DGKZ: variants seen among roughly 807,000 people sequenced by gnomAD.
The protein encoded by DGKZ is DAG kinase zeta.
A neutral mutation model predicts 142.5 loss-of-function variants in DGKZ; 45 were observed. That is an observed-to-expected ratio of 0.32 (90% confidence interval 0.25 to 0.40). The LOEUF (loss-of-function observed/expected upper bound fraction) is 0.40. Ranked by LOEUF, DGKZ falls within the 10% of genes least tolerant of loss-of-function variation. DGKZ has a pLI of 1.00. For synonymous variants in DGKZ, 442 were observed against 527.0 expected, an observed-to-expected ratio of 0.84 and a Z score of 2.21; for missense variants, 755 against 1,306.5, an observed-to-expected ratio of 0.58 and a Z score of 6.51.
chr11:46,337,444 C>G (rs191152789), intron 1 of DGKZ, among the ~76,000 whole-genome samples: 39 of 151,856 alleles, frequency 2.6e-4, no homozygotes, highest in African/African-American at 3.4e-4. Flanking sequence ...TACAGGCGCC[C>G]ACCACCACGC....
At chr11:46,371,945 G>T in intron 9 of DGKZ, 130 bp from the exon 10 acceptor site, 1 of 1,233,276 alleles carries the variant, frequency 8.1e-7, no homozygotes, top group African/African-American at 1.5e-5. Flanking sequence ...CTGTGGCCTG[G>T]TAAGATCTGG....
upstream of DGKZ, chr11:46,345,210 T>C: frequency 1.6e-6 from 2 of 1,289,104 alleles, no homozygotes; most frequent in Non-Finnish European, 2.0e-6. This position sits in a 1 kb window ranked among gnomAD's most constrained non-coding sequence, Gnocchi z 4.1. Flanking sequence ...GCCTCCTGGC[T>C]GCTGGTCTGG....
Position 46,366,224 on chromosome 11 carries a change from C to T in DGKZ, c.162-1067C>T, listed in dbSNP as rs763069425. 3 of 1,538,388 alleles carry T rather than the reference C, an allele frequency of 2.0e-6. No individual in the cohort carries two copies. The Admixed American group carries it at 5.9e-5, about 30-fold the overall frequency. ...TGGCCTGATCCAGCTCCTGATGCTC[C>T]CGGTCTCTGTGCCCAACAGCCAACC... On this transcript the variant is annotated intron_variant, in intron 1 of 30. Transcript: ENST00000527911.
Position 46,366,882 on chromosome 11 carries a change from C to A in DGKZ, c.162-409C>A. ...GGCCGAAGAGCCTCAGGCACCACCG[C>A]CGGCACCATGCTGCCCACCCGTGTG... On this transcript the variant is annotated intron_variant, in intron 1 of 30. Transcript: ENST00000527911. 1 of 1,549,056 alleles carries A rather than the reference C, an allele frequency of 6.5e-7. No individual in the cohort carries two copies. The highest frequency in any genetic ancestry group is 8.7e-7 in the Non-Finnish European group (1 of 1,153,836).
chr11:46,369,853 GC>G (rs1311399599), intron 5 of DGKZ, 87 bp from the exon 6 acceptor site: 71 of 1,427,258 alleles, frequency 5.0e-5, no homozygotes, highest in Non-Finnish European at 6.9e-5. Flanking sequence ...GCTTCCTGCA[GC>G]CCCGTGTGTT....
intron 14 of DGKZ, among the ~76,000 whole-genome samples, chr11:46,373,374 C>A (rs1464231851): frequency 2.0e-5 from 3 of 150,610 alleles, no homozygotes; most frequent in Non-Finnish European, 1.5e-5. Flanking sequence ...GCAACCTCCG[C>A]CTCCCAGGTT....
At chr11:46,364,419 T>G in intron 1 of DGKZ, 1 of 1,288,054 alleles carries the variant, frequency 7.8e-7, no homozygotes, top group Non-Finnish European at 1.0e-6. Context: ...GACCCAGCGC[T>G]CTCCACCCAT....
At chr11:46,362,156 GGCC>G (rs1326024583) in intron 1 of DGKZ, among the ~76,000 whole-genome samples, 1 of 152,176 alleles carries the variant, frequency 6.6e-6, no homozygotes, top group African/African-American at 2.4e-5. Context: ...GGCAGCTGCA[GGCC>G]CTTGCTCTGG....
At chr11:46,356,861 G>C (rs191143604) in intron 1 of DGKZ, among the ~76,000 whole-genome samples, 1 of 152,178 alleles carries the variant, frequency 6.6e-6, no homozygotes, top group Non-Finnish European at 1.5e-5. Context: ...AGGAGGATTC[G>C]TAGCTTAATA....
At position 46,374,725 on chromosome 11, in the gene DGKZ, C is replaced by T. The variant is rs1463376620; in HGVS notation, c.1525-41C>T. On this transcript the variant is annotated intron_variant, in intron 17 of 30. Transcript: ENST00000527911. ...CCGGAAGGGAGGGAGGCGGAGGCCA[C>T]CTGGCACATGCACCTCAACACCCTC... is the stretch of plus-strand genomic sequence containing the variant. 1.9e-6 allele frequency: 3 copies of T among 1,612,080 alleles called. No individual in the cohort carries two copies. The Admixed American group carries it at 5.0e-5, about 27-fold the overall frequency.
At chr11:46,361,836 C>T (rs1472426589) in intron 1 of DGKZ, 2 of 251,374 alleles carry the variant, frequency 8.0e-6, no homozygotes, top group African/African-American at 4.6e-5. Flanking sequence ...CCTGCCCTGC[C>T]AGGTTCCTGA....
chr11:46,377,544 A>C, intron 25 of DGKZ: 5 of 381,200 alleles, frequency 1.3e-5, no homozygotes, highest in Admixed American at 4.3e-5. Flanking sequence ...CAGCTCTTAT[A>C]TCCCTGTGGC....
chr11:46,365,648 C>CT (rs1224628529), intron 1 of DGKZ: 2 of 985,352 alleles, frequency 2.0e-6, no homozygotes, highest in Non-Finnish European at 2.4e-6. Context: ...GGCTGAGAGA[C>CT]TCTGGGGGTC....
intron 1 of DGKZ, chr11:46,365,651 TG>T (rs1943166770): frequency 1.0e-6 from 1 of 985,360 alleles, no homozygotes; most frequent in African/African-American, 1.7e-5. Flanking sequence ...TGAGAGACTC[TG>T]GGGGTCCTGT....
chr11:46,368,515 T>C, intron 4 of DGKZ: 1 of 341,360 alleles, frequency 2.9e-6, no homozygotes, highest in South Asian at 2.2e-5. Context: ...ACTGTGCTTC[T>C]AGAGGTGGAG....
chr11:46,371,253 A>C (rs1056972571), intron 6 of DGKZ, 60 bp from the exon 7 acceptor site: 10 of 1,522,432 alleles, frequency 6.6e-6, no homozygotes, highest in South Asian at 2.3e-5. Flanking sequence ...GCACCAGGAG[A>C]GGGGCTGGGT....
rs200564579 is a variant in DGKZ, at chr11:46,376,178, G to A, written c.2091+33G>A. On this transcript the variant is annotated intron_variant, in intron 22 of 30. Coordinates refer to ENST00000527911, the Ensembl canonical transcript of DGKZ. Reference sequence around the variant, plus strand: ...GTGGGGGCTTCCCCAGGTGCCCACCGAGAGGGTGGTGGGAAGTGAGGCCAG... The same window carrying A: ...GTGGGGGCTTCCCCAGGTGCCCACCAAGAGGGTGGTGGGAAGTGAGGCCAG... 746 of 1,609,332 alleles carry A rather than the reference G, an allele frequency of 4.6e-4. 3 individuals carry two copies. In the African/African-American group the frequency reaches 9.1e-3, roughly 20 times the overall value.
At chr11:46,370,093 C>G (rs1480946867) in intron 6 of DGKZ, 84 bp downstream of exon 6, 8 of 1,544,196 alleles carry the variant, frequency 5.2e-6, no homozygotes, top group Non-Finnish European at 6.3e-6. Context: ...CTGCCGATCA[C>G]TGACCACACC....
intron 1 of DGKZ, among the ~76,000 whole-genome samples, chr11:46,354,127 G>C (rs1000283590): frequency 2.6e-5 from 4 of 152,220 alleles, no homozygotes; most frequent in Non-Finnish European, 5.9e-5. Flanking sequence ...GAAAGGGTGA[G>C]GGACAGGCTG....
Sources: allele counts gnomAD v4.1 joint callset (sites outside exome capture counted in the v4.1 genomes callset), GRCh38; gene constraint gnomAD v4.1.1; non-coding constraint Gnocchi (gnomAD v3.1); transcripts MANE v1.5; gene names NCBI Gene and HGNC (gene_info 2026-07-23, HGNC 2026-07-21).